Variants in C11orf54 observed in about 807,000 individuals in gnomAD.
The protein encoded by C11orf54 is beta-keto-L-gulonate decarboxylase.
A neutral mutation model predicts 35.5 loss-of-function variants in C11orf54; 29 were observed. The ratio of observed to expected loss-of-function variants is 0.82; its 90% CI spans 0.61 to 1.11. The LOEUF is 1.11. Among genes scored for constraint, C11orf54 ranks in the 50% most tolerant of loss-of-function variants. C11orf54 has a pLI of 0.00. For synonymous variants in C11orf54, 108 were observed against 121.1 expected, an observed-to-expected ratio of 0.89 and a Z score of 0.71; for missense variants, 373 against 369.2, an observed-to-expected ratio of 1.01 and a Z score of -0.08.
intron 7 of C11orf54, 54 bp from the exon 8 acceptor site, chr11:93,759,688 T>C: frequency 2.2e-6 from 2 of 890,710 alleles, no homozygotes; most frequent in Non-Finnish European, 3.3e-6. Flanking sequence ...TTTAAAATTT[T>C]TAATTCTTAG....
intron 2 of C11orf54, among the ~76,000 whole-genome samples, chr11:93,749,694 A>G (rs1331388470): frequency 1.3e-5 from 2 of 152,150 alleles, no homozygotes; most frequent in African/African-American, 4.8e-5. Flanking sequence ...TTGGTCTTAC[A>G]TTAATAACTT....
chr11:93,743,502 C>T (rs923301779), intron 1 of C11orf54, among the ~76,000 whole-genome samples: 8 of 152,156 alleles, frequency 5.3e-5, no homozygotes, highest in Admixed American at 3.3e-4. Context: ...GTGCTGGAAG[C>T]CACGAACTCC....
At chr11:93,752,989 TTTG>T (rs1445976959) in intron 3 of C11orf54, among the ~76,000 whole-genome samples, 1 of 152,048 alleles carries the variant, frequency 6.6e-6, no homozygotes, top group East Asian at 1.9e-4. Context: ...CTCGTGATGT[TTTG>T]TTTTTTGAGA....
intron 1 of C11orf54, chr11:93,742,684 A>G (rs1282392354): frequency 2.0e-5 from 3 of 152,242 alleles, no homozygotes; most frequent in Non-Finnish European, 4.4e-5. Context: ...GGGCCTTAAA[A>G]GTAATCTGGT....
At chr11:93,758,745 A>G (rs1202007478) in intron 7 of C11orf54, among the ~76,000 whole-genome samples, 1 of 152,254 alleles carries the variant, frequency 6.6e-6, no homozygotes. Flanking sequence ...GGCTGAGAGC[A>G]GCTCCCCACT....
intron 1 of C11orf54, among the ~76,000 whole-genome samples, chr11:93,743,798 C>G (rs1263034422): frequency 6.6e-6 from 1 of 152,150 alleles, no homozygotes; most frequent in African/African-American, 2.4e-5. Flanking sequence ...TTGGTCTACC[C>G]CTCCAGGTGT....
chr11:93,764,434 T>C lies in C11orf54; in HGVS notation c.*2746T>C, dbSNP rs1475060908. On this transcript the variant is annotated 3_prime_UTR_variant, in exon 9 of 9. Coordinates refer to ENST00000354421, the MANE Select transcript of C11orf54 (RefSeq NM_001286069.2). ...GGGAATATTAGAACATCTATTTATA[T>C]ATTTTATTTCGTCCTTTTAAGTTTC... 5 of 152,194 alleles carry C rather than the reference T, an allele frequency of 3.3e-5. No homozygotes were observed. Among genetic ancestry groups the C allele is most frequent in the African/African-American group, 1.2e-4 (5 of 41,434 alleles). The allele number at this position is 152,194 out of a possible 1,614,324, so 9.4% of individuals were successfully genotyped here. A position where few individuals can be genotyped will look rare whatever the true frequency, so the allele number is the denominator to read the frequency against.
chr11:93,744,163 G>T (rs923965102), intron 1 of C11orf54, among the ~76,000 whole-genome samples: 3 of 152,138 alleles, frequency 2.0e-5, no homozygotes, highest in African/African-American at 7.2e-5. Context: ...AGAGTAGAAC[G>T]CACAAGTGTC....
chr11:93,758,527 T>A (rs1232431395), intron 7 of C11orf54, among the ~76,000 whole-genome samples: 1 of 152,190 alleles, frequency 6.6e-6, no homozygotes, highest in African/African-American at 2.4e-5. Flanking sequence ...TCTTACAGGC[T>A]TGGAAATGCC....
chr11:93,760,156 G>C (rs963863190), intron 8 of C11orf54, among the ~76,000 whole-genome samples: 29 of 152,246 alleles, frequency 1.9e-4, no homozygotes, highest in Middle Eastern at 3.4e-3. Flanking sequence ...CGTTGGTCAG[G>C]CTGGTCTCAA....
chr11:93,749,095 G>C (rs1213657605), intron 2 of C11orf54, among the ~76,000 whole-genome samples: 3 of 145,714 alleles, frequency 2.1e-5, no homozygotes, highest in Non-Finnish European at 4.5e-5. Flanking sequence ...AGTAAGCCGA[G>C]ATTGCGCCAT....
chr11:93,752,468 GGCCATTGCT>G (rs1268362615), intron 3 of C11orf54, among the ~76,000 whole-genome samples: 4 of 151,968 alleles, frequency 2.6e-5, no homozygotes, highest in African/African-American at 9.7e-5. Context: ...CATACTGCTT[GGCCATTGCT>G]GCCTGACATT....
intron 6 of C11orf54, among the ~76,000 whole-genome samples, chr11:93,756,153 CAAGACTCTGTCTCCAAAAAAAA>C (rs1230642857): frequency 4.4e-4 from 43 of 97,092 alleles, no homozygotes; most frequent in African/African-American, 1.8e-3. Context: ...GGCAACAAAG[CAAGACTCTGTCTCCAAAAAAAA>C]AAAAAAAAAA....
chr11:93,753,972 C>T lies in C11orf54; in HGVS notation c.265C>T (p.Leu89=), dbSNP rs747800882. The T allele has an allele frequency of 6.2e-6, 10 of 1,614,088 alleles. No homozygotes were observed. The South Asian group carries it at 1.1e-4, about 18-fold the overall frequency. The change falls in exon 5 of 9, where the codon CTG becomes TTG. Residue 89 remains leucine (L), a synonymous_variant. Transcript: ENST00000354421. ...DLNKIAKEIK[L]PGAFILGAGA... ...GAATAAAATTGCAAAAGAAATCAAGCTGCCTGGAGCCTTTATTCTTGGAGC... is the reference window on the plus strand; with the variant it reads ...GAATAAAATTGCAAAAGAAATCAAGTTGCCTGGAGCCTTTATTCTTGGAGC...
intron 3 of C11orf54, 25 bp downstream of exon 3, chr11:93,750,469 T>G: frequency 3.3e-6 from 5 of 1,534,608 alleles, no homozygotes; most frequent in Non-Finnish European, 3.6e-6. Context: ...CAATTAGCTT[T>G]TGTTTTTTAG....
In C11orf54 at chr11:93,762,899, C is replaced by T. The variant is rs1386488837; in HGVS notation, c.*1211C>T. 2.0e-5 allele frequency: 3 copies of T among 152,210 alleles called. No individual in the cohort carries two copies. Among genetic ancestry groups the T allele is most frequent in the Non-Finnish European group, 4.4e-5 (3 of 68,042 alleles). The allele number at this position is 152,210 out of a possible 1,614,324, so 9.4% of individuals were successfully genotyped here. On this transcript the variant is annotated 3_prime_UTR_variant, in exon 9 of 9. Coordinates refer to ENST00000354421, the MANE Select transcript of C11orf54 (RefSeq NM_001286069.2). ...AATAATCATTAGCCAAAGATCAACTCTCTAATGGTGCTAATGGCAATCTAG... is the reference window on the plus strand; with the variant it reads ...AATAATCATTAGCCAAAGATCAACTTTCTAATGGTGCTAATGGCAATCTAG...
intron 1 of C11orf54, among the ~76,000 whole-genome samples, chr11:93,744,323 C>T (rs1451896625): frequency 6.6e-6 from 1 of 152,164 alleles, no homozygotes; most frequent in East Asian, 1.9e-4. Context: ...TTTGTTTCTA[C>T]TTTGGTAGGG....
chr11:93,753,748 A>G lies in C11orf54; in HGVS notation c.221A>G (p.Gln74Arg), dbSNP rs1477369969. ...CCTTACTTATTGCCTCTTGTAAACCAAAAAAAAGTAAGTACTTTTACTCTG... is the reference window on the plus strand; with the variant it reads ...CCTTACTTATTGCCTCTTGTAAACCGAAAAAAAGTAAGTACTTTTACTCTG... Reference protein sequence around the residue: ...GVPYLLPLVNQKKVYDLNKIA... With the variant: ...GVPYLLPLVNRKKVYDLNKIA... The change falls in exon 4 of 9, where the codon CAA (glutamine) becomes CGA (arginine). Residue 74 changes from glutamine (Q) to arginine (R), a missense_variant. By Grantham distance (43) the Gln-to-Arg change is conservative. Transcript: ENST00000354421. 2 of 1,594,488 alleles carry G rather than the reference A, an allele frequency of 1.3e-6. No individual in the cohort carries two copies. Among genetic ancestry groups the G allele is most frequent in the Non-Finnish European group, 1.7e-6 (2 of 1,165,976 alleles).
chr11:93,757,299 C>T lies in C11orf54; in HGVS notation c.508-17C>T. 6.3e-7 allele frequency: 1 copy of T among 1,592,764 alleles called. No individual in the cohort carries two copies. The highest frequency in any genetic ancestry group is 8.5e-7 in the Non-Finnish European group (1 of 1,177,806). On this transcript the variant is annotated splice_polypyrimidine_tract_variant and intron_variant, in intron 6 of 8. Coordinates refer to ENST00000354421, the MANE Select transcript of C11orf54 (RefSeq NM_001286069.2). Reference sequence around the variant, plus strand: ...TTGCAGCATAGTCAATGGTATGCATCTTTATGTCCTCTATAGGTAATTGAG... The same window carrying T: ...TTGCAGCATAGTCAATGGTATGCATTTTTATGTCCTCTATAGGTAATTGAG...
Sources: allele counts gnomAD v4.1 joint callset (sites outside exome capture counted in the v4.1 genomes callset), GRCh38; gene constraint gnomAD v4.1.1; transcripts MANE v1.5; gene names NCBI Gene and HGNC (gene_info 2026-07-23, HGNC 2026-07-21).